Variants in MCC observed in about 807,000 individuals in gnomAD.
MCC encodes the protein colorectal mutant cancer protein.
In MCC, 90 loss-of-function variants were observed where a neutral mutation model predicts 116.2. The ratio of observed to expected loss-of-function variants is 0.77; its 90% CI spans 0.65 to 0.92. The LOEUF (loss-of-function observed/expected upper bound fraction) is 0.92, where lower values mean the gene tolerates loss of function less well. Among genes scored for constraint, MCC ranks in the 40% least tolerant of loss-of-function variants. The pLI, the probability that MCC is intolerant of heterozygous loss-of-function variation, is 0.00. For missense variants in MCC, 1,516 were observed against 1,312.2 expected (o/e 1.16, Z -2.40); for synonymous variants, 578 against 510.5 (o/e 1.13, Z -1.78).
intron 3 of MCC, among the ~76,000 whole-genome samples, chr5:113,263,929 G>GA (rs1282930120): frequency 6.9e-6 from 1 of 144,258 alleles, no homozygotes. Context: ...AAGAGAAGAA[G>GA]AAAAAAAGAA....
chr5:113,433,350 C>A (rs878912660), intron 1 of MCC: 11 of 404,272 alleles, frequency 2.7e-5, no homozygotes, highest in South Asian at 2.4e-4. Context: ...GCAACTGCCC[C>A]GGGGACGATG....
At chr5:113,393,980 C>G (rs1388813100) in intron 1 of MCC, among the ~76,000 whole-genome samples, 9 of 152,162 alleles carry the variant, frequency 5.9e-5, no homozygotes, top group Non-Finnish European at 7.4e-5. Context: ...TGGCTTTCAT[C>G]TACCACTATG....
At chr5:113,296,691 C>T (rs1005103741) in intron 3 of MCC, among the ~76,000 whole-genome samples, 2 of 152,082 alleles carry the variant, frequency 1.3e-5, no homozygotes, top group African/African-American at 4.8e-5. Flanking sequence ...AAAAATGGGC[C>T]TTCTCAATAG....
chr5:113,424,249 T>G (rs1486188581), intron 1 of MCC, among the ~76,000 whole-genome samples: 2 of 151,108 alleles, frequency 1.3e-5, no homozygotes, highest in Non-Finnish European at 2.9e-5. Context: ...TAATAGGTAT[T>G]TGAAGAGGGC....
At chr5:113,064,747 T>C (rs1020227595) in intron 13 of MCC, among the ~76,000 whole-genome samples, 18 of 152,190 alleles carry the variant, frequency 1.2e-4, no homozygotes, top group Non-Finnish European at 2.2e-4. Context: ...TGAACTCAAA[T>C]GCCTCCAGGA....
chr5:113,069,265 G>T (rs145873887), intron 12 of MCC, among the ~76,000 whole-genome samples: 1 of 152,324 alleles, frequency 6.6e-6, no homozygotes, highest in East Asian at 1.9e-4. Context: ...CTTCACAAAA[G>T]CTCTGACAAG....
intron 3 of MCC, among the ~76,000 whole-genome samples, chr5:113,331,393 A>T (rs1767692816): frequency 6.6e-6 from 1 of 151,642 alleles, no homozygotes; most frequent in Non-Finnish European, 1.5e-5. Context: ...ATAACCAGGG[A>T]CATCCTCTAG....
chr5:113,451,505 C>T (rs1477894711), intron 1 of MCC, among the ~76,000 whole-genome samples: 3 of 152,242 alleles, frequency 2.0e-5, no homozygotes, highest in African/African-American at 7.2e-5. Context: ...GAGGCCGAGG[C>T]GGGCGGATCA....
At chr5:113,043,122 T>G (rs1751835702) in intron 17 of MCC, among the ~76,000 whole-genome samples, 1 of 152,130 alleles carries the variant, frequency 6.6e-6, no homozygotes, top group South Asian at 2.1e-4. Context: ...AGAGGAAAAT[T>G]TCCCAGAACT....
chr5:113,435,545 C>G (rs1770827496), intron 1 of MCC: 1 of 152,260 alleles, frequency 6.6e-6, no homozygotes. Flanking sequence ...TCCCCTTCAG[C>G]CCTTGATGCT....
In MCC at chr5:113,213,887, T is replaced by G. The variant is rs76126962; in HGVS notation, c.628-62465A>C. On this transcript the variant is annotated intron_variant, in intron 3 of 18. Coordinates refer to ENST00000408903, the MANE Select transcript of MCC (RefSeq NM_001085377.2). ...ACAGACAAATCAGCTAATCCTTAAG[T>G]CCTTTTCAGCACTAAAGAATTTCCC... Among the ~76,000 whole-genome samples, 780 of 152,286 alleles carry G rather than the reference T, an allele frequency of 5.1e-3. 35 individuals carry two copies. In the East Asian group the frequency reaches 0.11, roughly 22 times the overall value.
At chr5:113,413,847 C>A (rs955755899) in intron 1 of MCC, among the ~76,000 whole-genome samples, 1 of 152,146 alleles carries the variant, frequency 6.6e-6, no homozygotes, top group African/African-American at 2.4e-5. Context: ...TTCTCTAGTT[C>A]TTTTAATTGT....
At chr5:113,080,198 G>C in intron 11 of MCC, among the ~76,000 whole-genome samples, 1 of 152,228 alleles carries the variant, frequency 6.6e-6, no homozygotes, top group Non-Finnish European at 1.5e-5. Context: ...CTTTTACACT[G>C]TTGGTGGGAC....
intron 3 of MCC, among the ~76,000 whole-genome samples, chr5:113,161,109 A>G (rs1294655155): frequency 6.6e-6 from 1 of 152,226 alleles, no homozygotes; most frequent in Non-Finnish European, 1.5e-5. Flanking sequence ...ACTTGTAGTA[A>G]TATTTATTTT....
At chr5:113,442,548 G>A (rs971866577) in intron 1 of MCC, among the ~76,000 whole-genome samples, 10 of 152,098 alleles carry the variant, frequency 6.6e-5, no homozygotes, top group Non-Finnish European at 1.0e-4. Context: ...ATTGCTTTTC[G>A]TGTTTTAGAC....
At chr5:113,208,780 C>T (rs1402168754) in intron 3 of MCC, among the ~76,000 whole-genome samples, 1 of 152,102 alleles carries the variant, frequency 6.6e-6, no homozygotes, top group Non-Finnish European at 1.5e-5. Flanking sequence ...ACACTCTTAC[C>T]TGAGGAATTA....
Position 113,384,982 on chromosome 5 carries a change from C to T in MCC, c.401G>A (p.Ser134Asn), listed in dbSNP as rs931792462. The change falls in exon 2 of 19, where the codon AGT becomes AAT. Residue 134 changes from serine (S) to asparagine (N), a missense_variant. Coordinates refer to ENST00000408903, the MANE Select transcript of MCC (RefSeq NM_001085377.2). ...RDRIASWPTS[S>N]DNSLGALSAA... ...GTTATACCTACCCAAACTGTTGTCA[C>T]TGCTCGTGGGCCAGGAAGCAATTCT... is the stretch of plus-strand genomic sequence containing the variant. 3.3e-5 allele frequency: 53 copies of T among 1,614,068 alleles called. No individual in the cohort carries two copies. Among genetic ancestry groups the T allele is most frequent in the Non-Finnish European group, 4.3e-5 (51 of 1,180,034 alleles).
At chr5:113,170,538 A>G (rs1488296034) in intron 3 of MCC, among the ~76,000 whole-genome samples, 6 of 151,872 alleles carry the variant, frequency 4.0e-5, no homozygotes, top group East Asian at 1.9e-4. Flanking sequence ...TGGGAAGCTA[A>G]TATTTACTCT....
chr5:113,256,503 C>G (rs954250064), intron 3 of MCC, among the ~76,000 whole-genome samples: 3 of 152,116 alleles, frequency 2.0e-5, no homozygotes, highest in African/African-American at 7.2e-5. Context: ...AGTGGATTCT[C>G]TAAACAGAGG....
Sources: allele counts gnomAD v4.1 joint callset (sites outside exome capture counted in the v4.1 genomes callset), GRCh38; gene constraint gnomAD v4.1.1; transcripts MANE v1.5; gene names NCBI Gene and HGNC (gene_info 2026-07-23, HGNC 2026-07-21).